The following PTPRD variants were observed in gnomAD, a reference collection of about 807,000 sequenced individuals.
The protein encoded by PTPRD is protein tyrosine phosphatase receptor type D.
Under a neutral mutation model 214.5 loss-of-function variants are expected in PTPRD, and 34 were observed. That is an observed-to-expected ratio of 0.16 (90% CI 0.12 to 0.21). The LOEUF is 0.21. PTPRD is among the 10% of genes least tolerant of loss of function. The pLI is 1.00. For missense variants in PTPRD, 2,545 were observed against 2,398.7 expected, an observed-to-expected ratio of 1.06 and a Z score of -1.27; for synonymous variants, 1,128 against 845.7, an observed-to-expected ratio of 1.33 and a Z score of -5.79.
chr9:9,741,506 G>A (rs1166835955), intron 6 of PTPRD, among the ~76,000 whole-genome samples: 4 of 151,862 alleles, frequency 2.6e-5, no homozygotes, highest in African/African-American at 9.7e-5. Flanking sequence ...TGCAGAACTG[G>A]CAGGTTTGTT....
At chr9:8,634,194 T>C (rs1415406029) in intron 13 of PTPRD, among the ~76,000 whole-genome samples, 3 of 151,708 alleles carry the variant, frequency 2.0e-5, no homozygotes, top group Admixed American at 6.6e-5. Flanking sequence ...AACAGTTTAG[T>C]GACACTGATA....
chr9:10,397,948 T>C (rs2098202331), intron 2 of PTPRD, among the ~76,000 whole-genome samples: 1 of 151,952 alleles, frequency 6.6e-6, no homozygotes, highest in South Asian at 2.1e-4. Context: ...AAGTGACACA[T>C]GACTGATATT....
At chr9:10,263,347 G>A (rs899468239) in intron 3 of PTPRD, among the ~76,000 whole-genome samples, 1 of 152,116 alleles carries the variant, frequency 6.6e-6, no homozygotes, top group Non-Finnish European at 1.5e-5. Flanking sequence ...GACTTGGAGG[G>A]CTCAGAAGAC....
At chr9:10,018,405 GT>G (rs2096768971) in intron 4 of PTPRD, among the ~76,000 whole-genome samples, 1 of 151,822 alleles carries the variant, frequency 6.6e-6, no homozygotes, top group Non-Finnish European at 1.5e-5. Flanking sequence ...CTAGATCTGT[GT>G]CCCCTTATAA....
intron 2 of PTPRD, among the ~76,000 whole-genome samples, chr9:10,347,143 C>T (rs2097098424): frequency 6.6e-6 from 1 of 152,164 alleles, no homozygotes; most frequent in Admixed American, 6.6e-5. Context: ...AGTTGTCTTT[C>T]TCTACTCTTC....
intron 5 of PTPRD, among the ~76,000 whole-genome samples, chr9:9,892,674 G>T (rs2073763987): frequency 6.6e-6 from 1 of 151,920 alleles, no homozygotes; most frequent in Non-Finnish European, 1.5e-5. Flanking sequence ...GTCAAAGACA[G>T]ACTTTGGTGA....
chr9:10,255,569 C>G (rs190812337), intron 3 of PTPRD, among the ~76,000 whole-genome samples: 279 of 152,234 alleles, frequency 1.8e-3, no homozygotes, highest in African/African-American at 6.4e-3. Context: ...CATTACACTA[C>G]TATAGATTTT....
chr9:9,570,344 T>C (rs997702368), intron 8 of PTPRD, among the ~76,000 whole-genome samples: 28 of 151,528 alleles, frequency 1.8e-4, no homozygotes, highest in Non-Finnish European at 3.4e-4. Flanking sequence ...TCATGCAGGA[T>C]GTTACTTGTA....
chr9:8,687,740 A>G (rs2097712392), intron 12 of PTPRD, among the ~76,000 whole-genome samples: 1 of 151,024 alleles, frequency 6.6e-6, no homozygotes, highest in African/African-American at 2.5e-5. Context: ...GTAAAATAAG[A>G]GTTTTTTTTT....
chr9:9,128,777 G>A (rs914998317), intron 10 of PTPRD, among the ~76,000 whole-genome samples: 4 of 152,318 alleles, frequency 2.6e-5, no homozygotes, highest in East Asian at 1.9e-4. Context: ...TTGCAGCTGT[G>A]TTCCTGTGGC....
At chr9:10,129,717 G>C (rs1222270556) in intron 3 of PTPRD, among the ~76,000 whole-genome samples, 1 of 151,798 alleles carries the variant, frequency 6.6e-6, no homozygotes, top group Non-Finnish European at 1.5e-5. Flanking sequence ...TCTGTCAGTA[G>C]CAAAGTAAAG....
intron 8 of PTPRD, among the ~76,000 whole-genome samples, chr9:9,436,090 G>C (rs540684597): frequency 5.8e-4 from 88 of 152,254 alleles, no homozygotes; most frequent in African/African-American, 2.0e-3. Flanking sequence ...ACCTAGAAAT[G>C]CAAGGGAATA....
intron 11 of PTPRD, among the ~76,000 whole-genome samples, chr9:8,839,289 G>C (rs1175058878): frequency 2.0e-5 from 3 of 148,962 alleles, no homozygotes; most frequent in Admixed American, 6.7e-5. Context: ...TTTTCAGATT[G>C]ACCAAGGGGA....
intron 10 of PTPRD, among the ~76,000 whole-genome samples, chr9:9,019,205 A>AG (rs201407235): frequency 1.5e-3 from 228 of 151,972 alleles, no homozygotes; most frequent in African/African-American, 5.2e-3. Flanking sequence ...GAACAACATC[A>AG]CAGGATTTTT....
intron 2 of PTPRD, among the ~76,000 whole-genome samples, chr9:10,449,131 A>G (rs898753218): frequency 6.6e-6 from 1 of 151,066 alleles, no homozygotes; most frequent in African/African-American, 2.5e-5. Context: ...GCTCACTGCA[A>G]CCTCCCTGCC....
intron 12 of PTPRD, among the ~76,000 whole-genome samples, chr9:8,708,320 G>A (rs2098252312): frequency 6.6e-6 from 1 of 152,034 alleles, no homozygotes; most frequent in African/African-American, 2.4e-5. Context: ...CGCTACTGGT[G>A]GAAATGTAAA....
At chr9:8,907,410 C>T (rs1204893358) in intron 11 of PTPRD, among the ~76,000 whole-genome samples, 1 of 150,194 alleles carries the variant, frequency 6.7e-6, no homozygotes, top group Non-Finnish European at 1.5e-5. Flanking sequence ...CCCAGCTACT[C>T]GGGAGGCTGA....
At chr9:9,570,506 A>T (rs547973028) in intron 8 of PTPRD, among the ~76,000 whole-genome samples, 1 of 151,724 alleles carries the variant, frequency 6.6e-6, no homozygotes, top group East Asian at 1.9e-4. Context: ...GACACATGAA[A>T]TAAATCCTGA....
chr9:8,767,303 A>G (rs1447153389), intron 11 of PTPRD, among the ~76,000 whole-genome samples: 1 of 152,000 alleles, frequency 6.6e-6, no homozygotes, highest in Non-Finnish European at 1.5e-5. Flanking sequence ...TTTTTAGTAG[A>G]GATGGGGTTC....
Sources: allele counts gnomAD v4.1 joint callset (sites outside exome capture counted in the v4.1 genomes callset), GRCh38; gene constraint gnomAD v4.1.1; transcripts MANE v1.5; gene names NCBI Gene and HGNC (gene_info 2026-07-23, HGNC 2026-07-21).